PTPRT: variants seen among roughly 807,000 people sequenced by gnomAD.
The protein encoded by PTPRT is receptor-type tyrosine-protein phosphatase T.
Under a neutral mutation model 176.8 loss-of-function variants are expected in PTPRT, and 56 were observed. That is an observed-to-expected ratio of 0.32 (90% CI 0.26 to 0.40). The LOEUF (loss-of-function observed/expected upper bound fraction) is 0.40. Ranked by LOEUF, PTPRT falls within the 10% of genes least tolerant of loss-of-function variation. PTPRT has a pLI of 1.00. For missense variants in PTPRT, 1,540 were observed against 1,908.2 expected (o/e 0.81, Z 3.60); for synonymous variants, 783 against 739.0 (o/e 1.06, Z -0.96).
intron 13 of PTPRT, among the ~76,000 whole-genome samples, chr20:42,259,233 C>T (rs1235521984): frequency 6.6e-6 from 1 of 151,976 alleles, no homozygotes; most frequent in Non-Finnish European, 1.5e-5. Flanking sequence ...AGTCATGTTA[C>T]ACACACCAGG....
rs760289161 is a variant in PTPRT at position 42,780,252 on chromosome 20, G to A, written c.534C>T (p.Ala178=). The A allele has an allele frequency of 1.2e-5, 20 of 1,613,900 alleles. 1 individual carries two copies. The highest frequency in any genetic ancestry group is 3.3e-5 in the South Asian group (3 of 91,076). ...VSLKGHPGYI[A]VDEVRVLAHP... The stretch of plus-strand genomic sequence containing the variant: ...GAGCAAGGACCCGGACCTCGTCCAC[G>A]GCGATGTAGCCAGGATGACCCTTCA... Residue 178 remains alanine, a synonymous_variant, in exon 4 of 31, where the codon GCC becomes GCT. Transcript: ENST00000373187.
intron 7 of PTPRT, among the ~76,000 whole-genome samples, chr20:42,517,775 C>T (rs964750681): frequency 1.3e-5 from 2 of 152,084 alleles, no homozygotes; most frequent in South Asian, 2.1e-4. Context: ...TTTAAGTCCA[C>T]ACACAGATTT....
intron 16 of PTPRT, among the ~76,000 whole-genome samples, chr20:42,180,082 A>C (rs1990452702): frequency 6.6e-6 from 1 of 152,228 alleles, no homozygotes; most frequent in African/African-American, 2.4e-5. Context: ...TCCTTACCCC[A>C]GAAGGCTAGG....
rs1199632461 is a variant in PTPRT, at chr20:42,405,413, A to G, written c.1560+42807T>C. ...TGGGTCCACCTGTTCTCATTGTTCA[A>G]TTCCCACCTATGAGTGAGAACATGC... On this transcript the variant is annotated intron_variant, in intron 9 of 30. Coordinates refer to ENST00000373187, the MANE Select transcript of PTPRT (RefSeq NM_007050.6). 2.0e-5 allele frequency among the ~76,000 whole-genome samples: 3 copies of G among 152,084 alleles called. No individual in the cohort carries two copies. The South Asian group carries it at 6.2e-4, about 32-fold the overall frequency.
intron 7 of PTPRT, among the ~76,000 whole-genome samples, chr20:42,553,660 G>A (rs2072809366): frequency 6.6e-6 from 1 of 151,952 alleles, no homozygotes; most frequent in Non-Finnish European, 1.5e-5. Flanking sequence ...CCCACACCGT[G>A]ACTTTTACAC....
At chr20:42,487,508 G>T (rs1302134305) in intron 7 of PTPRT, among the ~76,000 whole-genome samples, 2 of 152,176 alleles carry the variant, frequency 1.3e-5, no homozygotes, top group East Asian at 1.9e-4. Flanking sequence ...CGTGATTAAG[G>T]ATCTTGAACT....
At chr20:42,541,391 A>C (rs981712309) in intron 7 of PTPRT, among the ~76,000 whole-genome samples, 1 of 152,130 alleles carries the variant, frequency 6.6e-6, no homozygotes, top group African/African-American at 2.4e-5. Context: ...CTAGTAGACA[A>C]AGGAATACAG....
intron 1 of PTPRT, among the ~76,000 whole-genome samples, chr20:43,119,390 T>C (rs1374506325): frequency 6.6e-6 from 1 of 152,262 alleles, no homozygotes; most frequent in Middle Eastern, 3.2e-3. Context: ...ATCCTTGTTT[T>C]CTATTTTTTC....
chr20:42,484,454 AC>A (rs2071435631), intron 7 of PTPRT, among the ~76,000 whole-genome samples: 1 of 152,210 alleles, frequency 6.6e-6, no homozygotes, highest in East Asian at 1.9e-4. Context: ...AGACACTGCC[AC>A]TTTCGTTGCC....
intron 1 of PTPRT, among the ~76,000 whole-genome samples, chr20:43,040,601 C>T (rs1326629979): frequency 6.6e-6 from 1 of 152,220 alleles, no homozygotes. Flanking sequence ...AGAGCTCCCT[C>T]GCTGTCCTTG....
At chr20:42,243,990 G>C (rs1486860782) in intron 14 of PTPRT, among the ~76,000 whole-genome samples, 2 of 152,228 alleles carry the variant, frequency 1.3e-5, no homozygotes, top group Non-Finnish European at 2.9e-5. Context: ...GCCTGGTACA[G>C]TTGATGGTCA....
chr20:42,817,474 A>C (rs1307125650), intron 2 of PTPRT, among the ~76,000 whole-genome samples: 2 of 151,916 alleles, frequency 1.3e-5, no homozygotes, highest in African/African-American at 4.8e-5. Context: ...GAATTAAATT[A>C]AATTGTGATA....
intron 9 of PTPRT, among the ~76,000 whole-genome samples, chr20:42,410,261 A>G (rs968167126): frequency 3.3e-5 from 5 of 152,184 alleles, no homozygotes; most frequent in Admixed American, 1.3e-4. Context: ...GGTTTAAAAG[A>G]CATATTCAGA....
At chr20:42,068,765 G>A (rs940216682), downstream of PTPRT, among the ~76,000 whole-genome samples, 2 of 152,172 alleles carry the variant, frequency 1.3e-5, no homozygotes, top group Non-Finnish European at 2.9e-5. Context: ...TAGCTTGGCC[G>A]CCAGGTGTGG....
intron 1 of PTPRT, among the ~76,000 whole-genome samples, chr20:43,167,692 C>A (rs2014891110): frequency 6.6e-6 from 1 of 152,178 alleles, no homozygotes; most frequent in Admixed American, 6.5e-5. Context: ...GTCTCCCTTG[C>A]TCAGGAAATG....
intron 7 of PTPRT, among the ~76,000 whole-genome samples, chr20:42,639,076 TAGA>T (rs1461036425): frequency 7.9e-5 from 12 of 151,538 alleles, no homozygotes; most frequent in Admixed American, 2.0e-4. Context: ...ATGTCTCCAA[TAGA>T]AGGACAAGTT....
At chr20:42,195,178 C>G (rs988525627) in intron 16 of PTPRT, among the ~76,000 whole-genome samples, 1 of 152,086 alleles carries the variant, frequency 6.6e-6, no homozygotes, top group Non-Finnish European at 1.5e-5. Context: ...AAAGAAAACC[C>G]CAGAAAATAA....
intron 15 of PTPRT, among the ~76,000 whole-genome samples, chr20:42,207,259 T>C (rs1331853579): frequency 6.6e-6 from 1 of 152,190 alleles, no homozygotes; most frequent in Non-Finnish European, 1.5e-5. Context: ...AGGAACACAG[T>C]TCGTCACCAG....
At chr20:42,240,735 C>T (rs770632904) in intron 14 of PTPRT, among the ~76,000 whole-genome samples, 3 of 152,048 alleles carry the variant, frequency 2.0e-5, no homozygotes, top group Non-Finnish European at 4.4e-5. Context: ...ATCCATCCAC[C>T]CACCCATCAT....
Sources: allele counts gnomAD v4.1 joint callset (sites outside exome capture counted in the v4.1 genomes callset), GRCh38; gene constraint gnomAD v4.1.1; transcripts MANE v1.5; gene names NCBI Gene and HGNC (gene_info 2026-07-23, HGNC 2026-07-21).